Variants in AGBL4 observed in about 807,000 individuals in gnomAD.
The protein encoded by AGBL4 is AGBL carboxypeptidase 4, also known as cytosolic carboxypeptidase 6.
Under a neutral mutation model 66.4 loss-of-function variants are expected in AGBL4, and 58 were observed. The observed-to-expected ratio is 0.87, with a 90% CI of 0.71 to 1.09. AGBL4 has a LOEUF of 1.09. Among genes scored for constraint, AGBL4 ranks in the 50% least tolerant of loss-of-function variants. The probability of loss-of-function intolerance (pLI) is 0.00; values close to 1 mark genes in which losing one functional copy is unlikely to be tolerated. For synonymous variants in AGBL4, 234 were observed against 222.9 expected, an observed-to-expected ratio of 1.05 and a Z score of -0.44; for missense variants, 579 against 631.0, an observed-to-expected ratio of 0.92 and a Z score of 0.88.
intron 3 of AGBL4, among the ~76,000 whole-genome samples, chr1:49,689,842 G>A (rs1292777286): frequency 6.6e-6 from 1 of 152,068 alleles, no homozygotes; most frequent in Non-Finnish European, 1.5e-5. Flanking sequence ...CTGCAAATGG[G>A]GTTACTTTTC....
intron 6 of AGBL4, among the ~76,000 whole-genome samples, chr1:48,862,535 A>T (rs1451888374): frequency 2.0e-5 from 3 of 152,024 alleles, no homozygotes; most frequent in Admixed American, 6.5e-5. Flanking sequence ...GTTAGCCAGG[A>T]TGGTCTCTAT....
chr1:49,022,544 G>C (rs1002367406), intron 5 of AGBL4, among the ~76,000 whole-genome samples: 2 of 151,896 alleles, frequency 1.3e-5, no homozygotes, highest in Non-Finnish European at 2.9e-5. Context: ...GACTTCTCTG[G>C]CTAATGGGGG....
chr1:49,925,122 G>A (rs768247097), intron 1 of AGBL4, among the ~76,000 whole-genome samples: 4 of 152,184 alleles, frequency 2.6e-5, no homozygotes, highest in African/African-American at 4.8e-5. Context: ...AGCTCATGGG[G>A]TGACTCCATC....
chr1:50,016,101 T>C (rs1174807991), intron 1 of AGBL4, among the ~76,000 whole-genome samples: 2 of 152,130 alleles, frequency 1.3e-5, no homozygotes, highest in Non-Finnish European at 2.9e-5. Flanking sequence ...GAAAAGCAAC[T>C]GCAACAAAAA....
intron 3 of AGBL4, among the ~76,000 whole-genome samples, chr1:49,633,901 AT>A: frequency 6.8e-6 from 1 of 147,792 alleles, no homozygotes; most frequent in East Asian, 2.0e-4. Flanking sequence ...GTAATATATA[AT>A]ATATGTAAAT....
chr1:48,554,099 G>A (rs1015232172), intron 11 of AGBL4, among the ~76,000 whole-genome samples: 2 of 152,150 alleles, frequency 1.3e-5, no homozygotes, highest in Non-Finnish European at 2.9e-5. Flanking sequence ...CTTTTCCTGG[G>A]AAGCATCAAA....
intron 1 of AGBL4, among the ~76,000 whole-genome samples, chr1:50,003,624 T>C (rs890001787): frequency 6.6e-6 from 1 of 152,156 alleles, no homozygotes; most frequent in South Asian, 2.1e-4. Flanking sequence ...GAGAATTCTA[T>C]TGGCCTGCCA....
chr1:50,011,768 A>AT (rs1220665159), intron 1 of AGBL4, among the ~76,000 whole-genome samples: 1 of 152,228 alleles, frequency 6.6e-6, no homozygotes, highest in Non-Finnish European at 1.5e-5. Flanking sequence ...GCTAAGTGAA[A>AT]TAAACCAGGC....
chr1:49,757,774 A>G (rs1198231757), intron 2 of AGBL4, among the ~76,000 whole-genome samples: 1 of 152,212 alleles, frequency 6.6e-6, no homozygotes, highest in Non-Finnish European at 1.5e-5. Flanking sequence ...GCAGCAAAGT[A>G]TTCAAGAGGA....
chr1:48,746,371 C>T (rs147504974), intron 6 of AGBL4, among the ~76,000 whole-genome samples: 8 of 152,192 alleles, frequency 5.3e-5, no homozygotes, highest in African/African-American at 1.9e-4. Flanking sequence ...TAGTGCTTAG[C>T]ACAGGCCCAG....
chr1:49,872,949 G>A (rs1646874854), intron 1 of AGBL4, among the ~76,000 whole-genome samples: 1 of 151,762 alleles, frequency 6.6e-6, no homozygotes, highest in Admixed American at 6.6e-5. Context: ...CTGGCTACAA[G>A]TCTCCAAAAT....
intron 3 of AGBL4, among the ~76,000 whole-genome samples, chr1:49,425,587 T>C (rs1557929011): frequency 6.6e-6 from 1 of 152,226 alleles, no homozygotes; most frequent in Non-Finnish European, 1.5e-5. Flanking sequence ...TATATTTTTG[T>C]CTTAAAGCAG....
intron 6 of AGBL4, among the ~76,000 whole-genome samples, chr1:48,862,408 G>A (rs889749916): frequency 6.6e-6 from 1 of 152,162 alleles, no homozygotes; most frequent in Non-Finnish European, 1.5e-5. Flanking sequence ...TGCAAGCTCT[G>A]CCTCCCAGGT....
intron 2 of AGBL4, among the ~76,000 whole-genome samples, chr1:49,778,455 T>C (rs1466644399): frequency 2.6e-5 from 4 of 152,156 alleles, no homozygotes; most frequent in African/African-American, 9.7e-5. Flanking sequence ...CTAATGTTAT[T>C]TGGAAGAAAG....
intron 4 of AGBL4, among the ~76,000 whole-genome samples, chr1:49,224,688 T>C (rs1649769141): frequency 6.6e-6 from 1 of 150,928 alleles, no homozygotes; most frequent in Admixed American, 6.6e-5. Context: ...TCAGTTTCTC[T>C]CTGCTGTGCA....
chr1:49,661,619 G>A (rs1646271317), intron 3 of AGBL4, among the ~76,000 whole-genome samples: 2 of 152,166 alleles, frequency 1.3e-5, no homozygotes, highest in South Asian at 2.1e-4. Context: ...AGAATCATGA[G>A]CCAAATAAAC....
intron 6 of AGBL4, among the ~76,000 whole-genome samples, chr1:48,756,856 G>A (rs10493135): frequency 0.067 from 10,128 of 152,248 alleles, 570 homozygotes; most frequent in East Asian, 0.3. Context: ...GTTGATTTAT[G>A]TTGAGTCCAA....
intron 2 of AGBL4, among the ~76,000 whole-genome samples, chr1:49,791,356 A>T (rs1261260164): frequency 6.6e-6 from 1 of 152,046 alleles, no homozygotes; most frequent in Non-Finnish European, 1.5e-5. Context: ...TATATGTTAG[A>T]CACCTACTGT....
chr1:49,260,187 T>A (rs965576100), intron 3 of AGBL4, among the ~76,000 whole-genome samples: 8 of 151,790 alleles, frequency 5.3e-5, no homozygotes, highest in African/African-American at 2.4e-5. Context: ...TAGCACTGAA[T>A]GCCCACAAGA....
Sources: allele counts gnomAD v4.1 joint callset (sites outside exome capture counted in the v4.1 genomes callset), GRCh38; gene constraint gnomAD v4.1.1; transcripts MANE v1.5; gene names NCBI Gene and HGNC (gene_info 2026-07-23, HGNC 2026-07-21).